Variants in RNF128 observed in about 807,000 individuals in gnomAD.
RNF128 encodes E3 ubiquitin-protein ligase RNF128.
RNF128 carries 13 observed loss-of-function variants against 26.2 expected under a neutral mutation model. The ratio of observed to expected loss-of-function variants is 0.50; its 90% CI spans 0.32 to 0.79. The LOEUF is 0.79. RNF128 is among the 30% of genes least tolerant of loss of function. RNF128 has a pLI of 0.03. For missense variants in RNF128, 315 were observed against 349.7 expected, an observed-to-expected ratio of 0.90 and a Z score of 0.79; for synonymous variants, 149 against 142.5, an observed-to-expected ratio of 1.05 and a Z score of -0.32.
At chrX:106,786,694 G>A (rs886979135) in intron 3 of RNF128, among the ~76,000 whole-genome samples, 2 of 110,933 alleles carry the variant, frequency 1.8e-5, no homozygotes, top group African/African-American at 6.5e-5. Flanking sequence ...GAAAATATTT[G>A]CAAATCATAT....
intron 1 of RNF128, among the ~76,000 whole-genome samples, chrX:106,715,662 G>A (rs1400854538): frequency 2.7e-5 from 3 of 111,911 alleles, no homozygotes; most frequent in Non-Finnish European, 5.6e-5. Flanking sequence ...AGAGCTTTTA[G>A]CAGGTATCAG....
Position 106,796,825 on chromosome X carries a change from G to C in RNF128, c.*1112G>C, listed in dbSNP as rs756895567. 6 of 111,571 alleles carry C rather than the reference G, an allele frequency of 5.4e-5. No homozygotes were observed. In the Admixed American group the frequency reaches 5.8e-4, roughly 11 times the overall value. 9.2% of individuals were successfully genotyped at this position (111,571 alleles called of 1,213,427 possible). On this transcript the variant is annotated 3_prime_UTR_variant, in exon 7 of 7. Coordinates refer to ENST00000255499, the MANE Select transcript of RNF128 (RefSeq NM_194463.2). ...TGTGTGGCTTTTGTTTTAGAATTTTGTTCAAATTATAGCAGAATTTAGGCA... is the reference window on the plus strand; with the variant it reads ...TGTGTGGCTTTTGTTTTAGAATTTTCTTCAAATTATAGCAGAATTTAGGCA...
At chrX:106,763,357 G>A (rs1206704953) in intron 1 of RNF128, among the ~76,000 whole-genome samples, 1 of 111,292 alleles carries the variant, frequency 9.0e-6, no homozygotes, top group East Asian at 2.8e-4. Flanking sequence ...TGATTCTGAG[G>A]TTACTAAACT....
chrX:106,712,302 G>A (rs775105318), intron 1 of RNF128, among the ~76,000 whole-genome samples: 5 of 111,758 alleles, frequency 4.5e-5, no homozygotes, highest in Non-Finnish European at 9.4e-5. Flanking sequence ...TCCCTTCTAA[G>A]GACTAATAAG....
chrX:106,705,158 T>C (rs1042591946), intron 1 of RNF128, among the ~76,000 whole-genome samples: 1 of 111,728 alleles, frequency 9.0e-6, no homozygotes, highest in Non-Finnish European at 1.9e-5. Context: ...TAACCCGCCC[T>C]AGGTTTCCAA....
upstream of RNF128, among the ~76,000 whole-genome samples, chrX:106,722,354 C>T (rs1347747173): frequency 9.0e-6 from 1 of 110,818 alleles, no homozygotes; most frequent in African/African-American, 3.3e-5. Context: ...ACATGCAGAT[C>T]CCCTGGGGAT....
intron 1 of RNF128, among the ~76,000 whole-genome samples, chrX:106,770,151 G>A (rs1309728891): frequency 1.8e-5 from 2 of 111,688 alleles, no homozygotes; most frequent in Non-Finnish European, 3.8e-5. Context: ...TGGGTAACCC[G>A]ACCTTTCTCT....
intron 1 of RNF128, among the ~76,000 whole-genome samples, chrX:106,715,905 A>G (rs1199325734): frequency 9.0e-6 from 1 of 111,392 alleles, no homozygotes; most frequent in Non-Finnish European, 1.9e-5. Flanking sequence ...AAAGCCTACA[A>G]TGACAGTCCA....
intron 1 of RNF128, among the ~76,000 whole-genome samples, chrX:106,709,728 T>C (rs1929094997): frequency 9.0e-6 from 1 of 110,951 alleles, no homozygotes; most frequent in Non-Finnish European, 1.9e-5. Context: ...GTATTTTTAA[T>C]AGAGACGGGG....
chrX:106,704,381 T>G (rs757766914), intron 1 of RNF128, among the ~76,000 whole-genome samples: 2 of 95,775 alleles, frequency 2.1e-5, no homozygotes, highest in African/African-American at 8.0e-5. Context: ...TGCAGTGAGC[T>G]GAGATCGCGC....
At chrX:106,722,290 C>T (rs929643919), upstream of RNF128, among the ~76,000 whole-genome samples, 1 of 111,587 alleles carries the variant, frequency 9.0e-6, no homozygotes, top group South Asian at 3.8e-4. Flanking sequence ...ATGCTGGATG[C>T]TAGCTACCTG....
At chrX:106,795,373 G>A (rs1397296255) in intron 6 of RNF128, among the ~76,000 whole-genome samples, 1 of 111,209 alleles carries the variant, frequency 9.0e-6, no homozygotes, top group East Asian at 2.8e-4. Context: ...AATCAAAAAA[G>A]CAATTATAAA....
chrX:106,760,051 G>T (rs1166367035), intron 1 of RNF128, among the ~76,000 whole-genome samples: 2 of 110,835 alleles, frequency 1.8e-5, no homozygotes, highest in Non-Finnish European at 3.8e-5. Context: ...ATGTAACCTA[G>T]AAATATATAC....
At chrX:106,727,535 A>G (rs890267774) in intron 1 of RNF128, 138 bp downstream of exon 1, 2 of 811,292 alleles carry the variant, frequency 2.5e-6, no homozygotes, top group Middle Eastern at 3.1e-4. Context: ...GGAGTGGGGC[A>G]GGGTCCTCCC....
intron 1 of RNF128, among the ~76,000 whole-genome samples, chrX:106,743,905 A>G (rs1418323826): frequency 8.9e-6 from 1 of 111,990 alleles, no homozygotes; most frequent in East Asian, 2.8e-4. Context: ...CATATACACC[A>G]TGGAATACTA....
intron 1 of RNF128, among the ~76,000 whole-genome samples, chrX:106,709,548 ACTT>A (rs1929091470): frequency 9.1e-6 from 1 of 109,583 alleles, no homozygotes; most frequent in Non-Finnish European, 1.9e-5. Context: ...AACTGTTATA[ACTT>A]CTTTTTTTTT....
intron 1 of RNF128, among the ~76,000 whole-genome samples, chrX:106,751,307 A>G (rs909756528): frequency 3.6e-5 from 4 of 110,896 alleles, no homozygotes; most frequent in Non-Finnish European, 7.6e-5. Flanking sequence ...GGGACTTTGC[A>G]TCAGAACTCA....
rs139744531 is a variant in RNF128 at position 106,736,110 on chromosome X, A to G, written c.484+8713A>G. ...CATCCATGAGACACTGACTTCATCT[A>G]ATGGTGATAGATTTTGTCATTCTAG... On this transcript the variant is annotated intron_variant, in intron 1 of 6. Coordinates refer to ENST00000255499, the MANE Select transcript of RNF128 (RefSeq NM_194463.2). Among the ~76,000 whole-genome samples, 143 of 111,595 alleles carry G rather than the reference A, an allele frequency of 1.3e-3. 1 individual carries two copies. Among genetic ancestry groups the G allele is most frequent in the East Asian group, 9.5e-3 (34 of 3,569 alleles).
intron 1 of RNF128, among the ~76,000 whole-genome samples, chrX:106,712,277 T>G (rs1365233289): frequency 8.9e-6 from 1 of 112,431 alleles, no homozygotes; most frequent in Admixed American, 9.4e-5. Flanking sequence ...TACTGGTGTC[T>G]GTAACTGACT....
Sources: allele counts gnomAD v4.1 joint callset (sites outside exome capture counted in the v4.1 genomes callset), GRCh38; gene constraint gnomAD v4.1.1; transcripts MANE v1.5; gene names NCBI Gene and HGNC (gene_info 2026-07-23, HGNC 2026-07-21).